The following SNX29 variants were observed in gnomAD, a reference collection of about 807,000 sequenced individuals.
SNX29 encodes sorting nexin-29.
In SNX29, 78 loss-of-function variants were observed where a neutral mutation model predicts 102.1. The observed-to-expected ratio is 0.76, with a 90% CI of 0.64 to 0.92. The LOEUF (loss-of-function observed/expected upper bound fraction) is 0.92. Among genes scored for constraint, SNX29 ranks in the 40% least tolerant of loss-of-function variants. SNX29 has a pLI of 0.00. For synonymous variants in SNX29, 580 were observed against 414.5 expected (o/e 1.40, Z -4.85); for missense variants, 1,280 against 1,061.7 (o/e 1.21, Z -2.86).
At chr16:12,567,263 A>C (rs1404268434) in intron 20 of SNX29, among the ~76,000 whole-genome samples, 1 of 151,984 alleles carries the variant, frequency 6.6e-6, no homozygotes, top group Admixed American at 6.5e-5. Flanking sequence ...CTTCCCTTGT[A>C]GGGTCCAGTG....
intron 19 of SNX29, among the ~76,000 whole-genome samples, chr16:12,496,404 G>A (rs549020724): frequency 6.6e-6 from 1 of 151,820 alleles, no homozygotes; most frequent in East Asian, 1.9e-4. Context: ...CTTCCTCGTT[G>A]CAACCATTGT....
intron 4 of SNX29, chr16:12,029,863 A>AT: frequency 3.0e-6 from 1 of 337,418 alleles, no homozygotes; most frequent in Non-Finnish European, 5.8e-6. Context: ...AAGTGCTGGG[A>AT]TTACAGGCAT....
Position 12,524,036 on chromosome 16 carries a change from C to T in SNX29, c.2179-666C>T, listed in dbSNP as rs182013476. On this transcript the variant is annotated intron_variant, in intron 19 of 20. Coordinates refer to ENST00000566228, the MANE Select transcript of SNX29 (RefSeq NM_032167.5). ...TAGCTGGGATTACAGGAACGTGCCA[C>T]TACGCCTGGCTAATTTTGTATTTTT... Among the ~76,000 whole-genome samples, 10 of 152,292 alleles carry T rather than the reference C, an allele frequency of 6.6e-5. No homozygotes were observed. In the East Asian group the frequency reaches 1.9e-3, roughly 29 times the overall value.
chr16:12,104,105 C>T (rs1253037040), intron 11 of SNX29, among the ~76,000 whole-genome samples: 1 of 152,186 alleles, frequency 6.6e-6, no homozygotes, highest in Non-Finnish European at 1.5e-5. Context: ...GAAACGGTGG[C>T]TACCACTTGA....
chr16:12,283,833 C>T (rs1181478168), intron 15 of SNX29, among the ~76,000 whole-genome samples: 4 of 152,192 alleles, frequency 2.6e-5, no homozygotes, highest in Admixed American at 6.5e-5. Flanking sequence ...GGAGCTGTGT[C>T]TTTGACGGCA....
intron 18 of SNX29, among the ~76,000 whole-genome samples, chr16:12,411,019 A>G (rs2084376567): frequency 6.6e-6 from 1 of 152,200 alleles, no homozygotes; most frequent in African/African-American, 2.4e-5. Flanking sequence ...AGAGGGAAGA[A>G]TTCATTAAGT....
At chr16:12,385,460 G>A (rs2083309547) in intron 16 of SNX29, among the ~76,000 whole-genome samples, 1 of 152,156 alleles carries the variant, frequency 6.6e-6, no homozygotes, top group Non-Finnish European at 1.5e-5. Flanking sequence ...GGGCTCTAGG[G>A]CTCTGAGAAG....
At chr16:12,261,856 A>G (rs1450681058) in intron 14 of SNX29, among the ~76,000 whole-genome samples, 34 of 91,768 alleles carry the variant, frequency 3.7e-4, no homozygotes, top group East Asian at 1.0e-3. Context: ...CTGTGCGTGC[A>G]TCCCTGGCTG....
intron 15 of SNX29, among the ~76,000 whole-genome samples, chr16:12,337,157 G>A (rs1864709076): frequency 6.6e-6 from 1 of 152,152 alleles, no homozygotes; most frequent in Admixed American, 6.5e-5. Flanking sequence ...CCACCCAGCT[G>A]GCAGGTGATG....
At chr16:12,100,012 G>T (rs1477780972) in intron 11 of SNX29, among the ~76,000 whole-genome samples, 1 of 152,184 alleles carries the variant, frequency 6.6e-6, no homozygotes, top group Non-Finnish European at 1.5e-5. Context: ...AGCGGCTACT[G>T]TTATCGCCTC....
chr16:12,565,298 C>G (rs1052986563), intron 20 of SNX29, among the ~76,000 whole-genome samples: 3 of 152,206 alleles, frequency 2.0e-5, no homozygotes. Context: ...GCCACCAGCA[C>G]TCTCCATTCA....
At chr16:12,490,047 C>T (rs904619000) in intron 19 of SNX29, among the ~76,000 whole-genome samples, 1 of 152,194 alleles carries the variant, frequency 6.6e-6, no homozygotes, top group Non-Finnish European at 1.5e-5. Flanking sequence ...CTCAAGTGAT[C>T]TGCCCACCTC....
chr16:12,288,073 A>C (rs1268105563), intron 15 of SNX29, among the ~76,000 whole-genome samples: 2 of 152,226 alleles, frequency 1.3e-5, no homozygotes, highest in African/African-American at 4.8e-5. Context: ...CTGTGGTCCC[A>C]GCCACTCAGG....
intron 19 of SNX29, among the ~76,000 whole-genome samples, chr16:12,489,811 TTTC>T (rs2088449853): frequency 6.6e-6 from 1 of 152,188 alleles, no homozygotes. Context: ...GTTTTGGCTT[TTTC>T]TTTTTTTTCG....
intron 20 of SNX29, among the ~76,000 whole-genome samples, chr16:12,551,947 A>T (rs2078003621): frequency 6.6e-6 from 1 of 152,150 alleles, no homozygotes; most frequent in Non-Finnish European, 1.5e-5. Flanking sequence ...ATCCAGTGAG[A>T]TTCCCCAGCC....
chr16:12,101,860 G>A (rs1409476932), intron 11 of SNX29, among the ~76,000 whole-genome samples: 1 of 152,076 alleles, frequency 6.6e-6, no homozygotes, highest in African/African-American at 2.4e-5. Flanking sequence ...GTTTTTTGCT[G>A]CACCCATCAG....
chr16:12,399,192 A>C (rs957795292), intron 17 of SNX29, among the ~76,000 whole-genome samples: 12 of 152,116 alleles, frequency 7.9e-5, no homozygotes, highest in African/African-American at 2.9e-4. Flanking sequence ...CTGGGATTAC[A>C]GGCACACACC....
intron 1 of SNX29, among the ~76,000 whole-genome samples, chr16:11,993,588 A>T (rs753478489): frequency 6.6e-6 from 1 of 152,096 alleles, no homozygotes; most frequent in Non-Finnish European, 1.5e-5. Context: ...TCGTCCGAAG[A>T]GGTAGGTTCT....
At chr16:12,486,358 G>A (rs1275599127) in intron 19 of SNX29, among the ~76,000 whole-genome samples, 1 of 152,168 alleles carries the variant, frequency 6.6e-6, no homozygotes, top group African/African-American at 2.4e-5. Flanking sequence ...ATATTCACAG[G>A]TTCTGGGGAT....
Sources: gnomAD v4.1 joint callset for allele counts (sites outside exome capture counted in the v4.1 genomes callset) on GRCh38, gnomAD v4.1.1 for gene constraint, MANE v1.5 for transcripts, NCBI Gene and HGNC (gene_info 2026-07-23, HGNC 2026-07-21) for gene names.